Variants in PLA2G6 observed in about 807,000 individuals in gnomAD.
The protein encoded by PLA2G6 is 85/88 kDa calcium-independent phospholipase A2.
In PLA2G6, 62 loss-of-function variants were observed where a neutral mutation model predicts 83.8. The observed-to-expected ratio is 0.74, with a 90% confidence interval of 0.60 to 0.91. The LOEUF is 0.91. PLA2G6 is among the 40% of genes least tolerant of loss of function. The pLI is 0.00. For missense variants in PLA2G6, 944 were observed against 1,102.0 expected (o/e 0.86, Z 2.03); for synonymous variants, 417 against 449.8 (o/e 0.93, Z 0.92).
chr22:38,170,264 C>T (rs188449233), intron 1 of PLA2G6, among the ~76,000 whole-genome samples: 38 of 152,040 alleles, frequency 2.5e-4, no homozygotes, highest in African/African-American at 8.9e-4. Context: ...AATGTCCCCC[C>T]TCCTAGATAC....
Position 38,116,162 on chromosome 22 carries a change from G to A in PLA2G6, c.1792C>T (p.Leu598Phe). ...TCTGGAGCATCGTAGTTCCGGAAGA[G>A]GTGGAGTTCAGCCGGCTGCCGGTCA... Reference protein sequence around the residue: ...LSDRQPAELHLFRNYDAPETV... With the variant: ...LSDRQPAELHFFRNYDAPETV... The change falls in exon 13 of 17, where the codon CTC (leucine) becomes TTC (phenylalanine). Residue 598 changes from leucine (L) to phenylalanine (F), a missense_variant. Leu to Phe is a conservative substitution (Grantham distance 22). Transcript: ENST00000332509. The A allele has an allele frequency of 1.2e-6, 2 of 1,613,894 alleles. No homozygotes were observed. Among genetic ancestry groups the A allele is most frequent in the Non-Finnish European group, 1.7e-6 (2 of 1,179,836 alleles).
chr22:38,132,823 G>A lies in PLA2G6; in HGVS notation c.1077+8C>T, dbSNP rs754604372. On this transcript the variant is annotated splice_region_variant and intron_variant, in intron 7 of 16. Transcript: ENST00000332509. This position sits in a 1 kb window ranked among gnomAD's most constrained non-coding sequence, Gnocchi z 5.0. ...CCCACAGGGCAGGACACGCGGTCCT[G>A]GGCTCACCGACATGGCCAGGTGCAG... 4 of 1,543,422 alleles carry A rather than the reference G, an allele frequency of 2.6e-6. No homozygotes were observed. In the South Asian group the frequency reaches 4.8e-5, roughly 18 times the overall value.
At position 38,116,039 on chromosome 22, in the gene PLA2G6, G is replaced by T. The variant is rs376014645; in HGVS notation, c.1879+36C>A. ...CACCACCCCACAGCCTCTCGGGCCA[G>T]TCGCTTCCCATGGATGCATCAAACA... On this transcript the variant is annotated intron_variant, in intron 13 of 16. Coordinates refer to ENST00000332509, the MANE Select transcript of PLA2G6 (RefSeq NM_003560.4). 1.4e-5 allele frequency: 23 copies of T among 1,610,882 alleles called. No homozygotes were observed. The African/African-American group carries it at 2.7e-4, about 19-fold the overall frequency.
chr22:38,173,221 A>G (rs1040821775), intron 1 of PLA2G6, among the ~76,000 whole-genome samples: 1 of 151,990 alleles, frequency 6.6e-6, no homozygotes, highest in Non-Finnish European at 1.5e-5. Context: ...CCCCCGCATC[A>G]TGCCTCACTT....
At chr22:38,139,726 C>T (rs1183414177) in intron 5 of PLA2G6, 19 of 472,962 alleles carry the variant, frequency 4.0e-5, no homozygotes, top group South Asian at 3.2e-4. Flanking sequence ...TGAGACACCG[C>T]GCCCAGCCAG....
In PLA2G6 at chr22:38,113,476, C is replaced by T; in HGVS notation, c.2202+11G>A. 1 of 1,613,470 alleles carries T rather than the reference C, an allele frequency of 6.2e-7. No individual in the cohort carries two copies. The highest frequency in any genetic ancestry group is 8.5e-7 in the Non-Finnish European group (1 of 1,179,588). ...TGAGGGAAGTGGCCTGGGGGAGGGG[C>T]CCACACTCACACAGTCCACCACCAT... On this transcript the variant is annotated intron_variant, in intron 15 of 16. Transcript: ENST00000332509.
Position 38,115,582 on chromosome 22 carries a change from G to C in PLA2G6, c.1979C>G (p.Pro660Arg), listed in dbSNP as rs547175863. 6.2e-7 allele frequency: 1 copy of C among 1,613,482 alleles called. No individual in the cohort carries two copies. Among genetic ancestry groups the C allele is most frequent in the Admixed American group, 1.7e-5 (1 of 59,956 alleles). Reference sequence around the variant, plus strand: ...GATCTCGGTCATGGCATCCAGCGTGGGGTTGTTGGCCAGCAGCCCACCGTC... The same window carrying C: ...GATCTCGGTCATGGCATCCAGCGTGCGGTTGTTGGCCAGCAGCCCACCGTC... The part of the protein sequence containing the change: ...FLDGGLLANN[P>R]TLDAMTEIHE... Residue 660 changes from proline to arginine, a missense_variant, in exon 14 of 17, where the codon CCC (proline) becomes CGC (arginine). Coordinates refer to ENST00000332509, the MANE Select transcript of PLA2G6 (RefSeq NM_003560.4).
Position 38,121,011 on chromosome 22 carries a change from A to G in PLA2G6, c.1592-102T>C, listed in dbSNP as rs574605521. The stretch of plus-strand genomic sequence containing the variant: ...CTGAACGCAGGAGGTGGCAGGAGGA[A>G]GCGGGTTTACCGAGGCCTAAGCAAA... On this transcript the variant is annotated intron_variant, in intron 11 of 16. Coordinates refer to ENST00000332509, the MANE Select transcript of PLA2G6 (RefSeq NM_003560.4). The G allele has an allele frequency of 2.0e-4, 291 of 1,445,256 alleles. No individual in the cohort carries two copies. The African/African-American group carries it at 3.5e-3, about 17-fold the overall frequency. 89.5% of individuals were successfully genotyped at this position (1,445,256 alleles called of 1,614,324 possible). A position where few individuals can be genotyped will look rare whatever the true frequency, so the allele number is the denominator to read the frequency against.
chr22:38,148,620 G>A lies in PLA2G6; in HGVS notation c.210-2967C>T, dbSNP rs1025516788. 3 of 710,470 alleles carry A rather than the reference G, an allele frequency of 4.2e-6. No individual in the cohort carries two copies. The Middle Eastern group carries it at 7.0e-4, about 165-fold the overall frequency. 44.0% of individuals were successfully genotyped at this position (710,470 alleles called of 1,614,324 possible). A position where few individuals can be genotyped will look rare whatever the true frequency, so the allele number is the denominator to read the frequency against. On this transcript the variant is annotated intron_variant, in intron 2 of 16. Coordinates refer to ENST00000332509, the MANE Select transcript of PLA2G6 (RefSeq NM_003560.4). ...TCAGGACACAGGGACTGGAGCCCAG[G>A]CGTCTGCCAAGAGGAGAGCCCTGAT...
chr22:38,144,830 CATAAAATAAA>C (rs132935), intron 3 of PLA2G6: 66,297 of 181,324 alleles, frequency 0.37, 12,763 homozygotes, highest in South Asian at 0.46. Flanking sequence ...CATAACGTAA[CATAAAATAAA>C]ATAAAATAAA....
intron 2 of PLA2G6, among the ~76,000 whole-genome samples, chr22:38,159,591 A>G (rs2089926438): frequency 1.3e-5 from 2 of 152,048 alleles, no homozygotes; most frequent in African/African-American, 4.8e-5. Flanking sequence ...TTAGCCAGGT[A>G]TGGTGGTGCG....
At chr22:38,147,177 T>G (rs150945919) in intron 2 of PLA2G6, 38 of 152,422 alleles carry the variant, frequency 2.5e-4, no homozygotes, top group African/African-American at 9.1e-4. Context: ...TGAGCCCCAT[T>G]TGAAACATGA....
At chr22:38,147,133 T>C (rs1397816662) in intron 2 of PLA2G6, 1 of 152,154 alleles carries the variant, frequency 6.6e-6, no homozygotes, top group Non-Finnish European at 1.5e-5. Context: ...GCTACTAAGG[T>C]GCTGTGTGAT....
intron 5 of PLA2G6, chr22:38,138,599 G>A (rs2088696070): frequency 6.6e-6 from 1 of 152,270 alleles, no homozygotes; most frequent in Admixed American, 6.6e-5. Context: ...GGTGAGGCTG[G>A]TGCTTTAGCA....
intron 2 of PLA2G6, among the ~76,000 whole-genome samples, chr22:38,153,440 A>C (rs377729231): frequency 6.6e-6 from 1 of 152,060 alleles, no homozygotes; most frequent in East Asian, 1.9e-4. Flanking sequence ...GCCTTCCCCA[A>C]GTTTGCATTT....
intron 4 of PLA2G6, chr22:38,141,581 G>A (rs1376400639): frequency 2.6e-5 from 4 of 152,136 alleles, no homozygotes; most frequent in Non-Finnish European, 4.4e-5. Flanking sequence ...GCCCTCCCTG[G>A]GCACGCTTCT....
rs140390989 is a variant in PLA2G6 at position 38,123,534 on chromosome 22, G to A, written c.1428-276C>T. On this transcript the variant is annotated intron_variant, in intron 10 of 16. Transcript: ENST00000332509. This position sits in a 1 kb window ranked among gnomAD's most constrained non-coding sequence, Gnocchi z 4.1. Reference sequence around the variant, plus strand: ...CCAGGCGCCATCCCAGCAGGATCTCGGCCAGTCTCCCCAACTTGGGACACC... The same window carrying A: ...CCAGGCGCCATCCCAGCAGGATCTCAGCCAGTCTCCCCAACTTGGGACACC... Among the ~76,000 whole-genome samples the A allele has an allele frequency of 7.7e-4, 118 of 152,264 alleles. No individual in the cohort carries two copies. The highest frequency in any genetic ancestry group is 2.4e-3 in the African/African-American group (100 of 41,558).
At chr22:38,150,973 G>A (rs1396741895) in intron 2 of PLA2G6, among the ~76,000 whole-genome samples, 1 of 152,250 alleles carries the variant, frequency 6.6e-6, no homozygotes, top group East Asian at 1.9e-4. Flanking sequence ...TGTAGCCCCA[G>A]CTACTCAGGA....
At chr22:38,127,058 T>C (rs3827354) in intron 9 of PLA2G6, 645,476 of 1,087,934 alleles carry the variant, frequency 0.59, 192,948 homozygotes, top group South Asian at 0.68. Context: ...AAGGCCTGCC[T>C]GACGTCCACC....
Sources: gnomAD v4.1 joint callset for allele counts (sites outside exome capture counted in the v4.1 genomes callset) on GRCh38, gnomAD v4.1.1 for gene constraint, Gnocchi (gnomAD v3.1) non-coding constraint, MANE v1.5 for transcripts, NCBI Gene and HGNC (gene_info 2026-07-23, HGNC 2026-07-21) for gene names.